The following MPDZ variants were observed in gnomAD, a reference collection of about 807,000 sequenced individuals.
MPDZ encodes multiple PDZ domain protein.
A neutral mutation model predicts 239.1 loss-of-function variants in MPDZ; 234 were observed. That is an observed-to-expected ratio of 0.98 (90% confidence interval 0.88 to 1.09). The LOEUF is 1.09. Ranked by LOEUF, MPDZ falls within the 50% of genes least tolerant of loss-of-function variation. The probability of loss-of-function intolerance (pLI) is 0.00; values close to 1 mark genes in which losing one functional copy is unlikely to be tolerated. For missense variants in MPDZ, 3,175 were observed against 2,510.0 expected (o/e 1.26, Z -5.66); for synonymous variants, 1,048 against 881.3 (o/e 1.19, Z -3.35).
chr9:13,113,678 G>T (rs994634200), intron 41 of MPDZ, among the ~76,000 whole-genome samples: 2 of 152,016 alleles, frequency 1.3e-5, no homozygotes, highest in Non-Finnish European at 2.9e-5. Flanking sequence ...ACACCAATCT[G>T]CTTAGTAAGA....
intron 1 of MPDZ, 100 bp downstream of exon 1, chr9:13,279,300 A>ACCCCCCGC (rs1564192632): frequency 2.6e-5 from 3 of 115,828 alleles, no homozygotes; most frequent in Non-Finnish European, 3.7e-5. Context: ...CCCACCCCCA[A>ACCCCCCGC]GCGCCGAGCC....
At chr9:13,124,757 C>T (rs1344849547) in intron 35 of MPDZ, among the ~76,000 whole-genome samples, 1 of 152,018 alleles carries the variant, frequency 6.6e-6, no homozygotes, top group African/African-American at 2.4e-5. Flanking sequence ...GTACTGATCC[C>T]ACCTATGAAA....
intron 1 of MPDZ, among the ~76,000 whole-genome samples, chr9:13,262,428 C>A (rs930355749): frequency 6.6e-6 from 1 of 151,814 alleles, no homozygotes; most frequent in Non-Finnish European, 1.5e-5. Context: ...TCAGTCTGGG[C>A]CGACAGAGAA....
At chr9:13,270,859 CA>C (rs534746733) in intron 1 of MPDZ, among the ~76,000 whole-genome samples, 5 of 152,032 alleles carry the variant, frequency 3.3e-5, no homozygotes, top group Admixed American at 6.6e-5. Context: ...ATTTCAGCAC[CA>C]AATTACTCCT....
chr9:13,129,715 G>GT (rs1236700927), intron 32 of MPDZ, among the ~76,000 whole-genome samples: 2 of 151,950 alleles, frequency 1.3e-5, no homozygotes, highest in Non-Finnish European at 2.9e-5. Flanking sequence ...ATTTTTGTGG[G>GT]TTTTTTTCTG....
intron 10 of MPDZ, among the ~76,000 whole-genome samples, chr9:13,215,882 C>T (rs1013019720): frequency 2.0e-5 from 3 of 149,760 alleles, no homozygotes; most frequent in Non-Finnish European, 4.4e-5. Flanking sequence ...ATCCTCCCAC[C>T]TTGGCCTCCC....
chr9:13,121,023 A>G (rs1944261739), intron 38 of MPDZ, among the ~76,000 whole-genome samples: 1 of 152,230 alleles, frequency 6.6e-6, no homozygotes, highest in African/African-American at 2.4e-5. Flanking sequence ...TTATTTGTTA[A>G]TATCACTTAT....
chr9:13,132,429 T>A (rs556392987), intron 32 of MPDZ, among the ~76,000 whole-genome samples: 3 of 152,144 alleles, frequency 2.0e-5, no homozygotes, highest in African/African-American at 7.2e-5. Context: ...TGAATGTATC[T>A]GTTTGGAAAT....
chr9:13,249,311 A>C (rs560401932), intron 2 of MPDZ, among the ~76,000 whole-genome samples: 1 of 152,290 alleles, frequency 6.6e-6, no homozygotes, highest in East Asian at 1.9e-4. Context: ...CAGAATAAAG[A>C]CTAGAAAACA....
At chr9:13,243,408 T>A (rs562625751) in intron 3 of MPDZ, among the ~76,000 whole-genome samples, 1 of 151,754 alleles carries the variant, frequency 6.6e-6, no homozygotes, top group Non-Finnish European at 1.5e-5. Flanking sequence ...TTAAATGACA[T>A]ACTCAATTTT....
Position 13,222,412 on chromosome 9 carries a change from C to A in MPDZ, c.568G>T (p.Ala190Ser). The A allele has an allele frequency of 6.2e-7, 1 of 1,612,460 alleles. No homozygotes were observed. The highest frequency in any genetic ancestry group is 8.5e-7 in the Non-Finnish European group (1 of 1,179,144). The change falls in exon 6 of 47, where the codon GCT becomes TCT. Residue 190 changes from alanine (A) to serine (S), a missense_variant. Physicochemically the swap from Ala to Ser is moderately conservative, Grantham distance 99. Transcript: ENST00000319217. ...GRLKETDQILAINGQALDQTI... is the reference protein window; with the variant it reads ...GRLKETDQILSINGQALDQTI... ...TGATCAAGAGCCTGTCCATTGATAG[C>A]AAGAATTTGATCAGTTTCTTTCAAT...
Position 13,176,230 on chromosome 9 carries a change from C to T in MPDZ, c.2837G>A (p.Cys946Tyr). Residue 946 changes from cysteine to tyrosine, a missense_variant, in exon 20 of 47, where the codon TGT becomes TAT. Cys to Tyr is a radical substitution (Grantham distance 194). Transcript: ENST00000319217. ...PANAIEQQYE[C>Y]ENTIVWTESH... The stretch of plus-strand genomic sequence containing the variant: ...TTCAGTCCACACTATTGTGTTTTCA[C>T]ATTCATATTGTTGTTCAATAGCATT... The T allele has an allele frequency of 6.2e-7, 1 of 1,604,786 alleles. No homozygotes were observed. The highest frequency in any genetic ancestry group is 8.5e-7 in the Non-Finnish European group (1 of 1,174,926).
intron 3 of MPDZ, among the ~76,000 whole-genome samples, chr9:13,230,063 G>C (rs919741371): frequency 3.9e-5 from 6 of 152,022 alleles, no homozygotes; most frequent in Non-Finnish European, 7.4e-5. Context: ...AGGATATATG[G>C]CTGGCAAATA....
intron 41 of MPDZ, 28 bp from the exon 42 acceptor site, chr9:13,113,082 G>C: frequency 6.6e-6 from 10 of 1,509,494 alleles, no homozygotes; most frequent in Non-Finnish European, 9.0e-6. Flanking sequence ...ATAAAATAGG[G>C]TTATTTTATG....
chr9:13,242,681 C>T (rs1965714981), intron 3 of MPDZ, among the ~76,000 whole-genome samples: 1 of 152,060 alleles, frequency 6.6e-6, no homozygotes, highest in Non-Finnish European at 1.5e-5. Flanking sequence ...AAAGGTTCTT[C>T]ACAGTCTGGC....
At chr9:13,277,518 A>G (rs1974505333) in intron 1 of MPDZ, among the ~76,000 whole-genome samples, 1 of 152,128 alleles carries the variant, frequency 6.6e-6, no homozygotes, top group Non-Finnish European at 1.5e-5. Flanking sequence ...TTGTATTAGA[A>G]GATCAAGTCA....
rs1956960265 is a variant in MPDZ, at chr9:13,206,113, A to AC, written c.1291-15_1291-14insG. 1 of 1,572,872 alleles carries AC rather than the reference A, an allele frequency of 6.4e-7. No homozygotes were observed. Among genetic ancestry groups the AC allele is most frequent in the Non-Finnish European group, 8.6e-7 (1 of 1,163,582 alleles). ...TGTGCCATCTACCTGTGATTAAAAA[A>AC]AAAAAAAAGCATGTTACATGTTAAA... On this transcript the variant is annotated splice_polypyrimidine_tract_variant and intron_variant, in intron 10 of 46. Coordinates refer to ENST00000319217, the MANE Select transcript of MPDZ (RefSeq NM_001378778.1).
chr9:13,137,900 C>T lies in MPDZ; in HGVS notation c.4200+57G>A. On this transcript the variant is annotated intron_variant, in intron 29 of 46. Coordinates refer to ENST00000319217, the MANE Select transcript of MPDZ (RefSeq NM_001378778.1). Reference sequence around the variant, plus strand: ...GTATGGGTGATTTTCTGGAAACTGACAGTTCCATTACCCTTATAAAACAAG... The same window carrying T: ...GTATGGGTGATTTTCTGGAAACTGATAGTTCCATTACCCTTATAAAACAAG... 5 of 1,536,334 alleles carry T rather than the reference C, an allele frequency of 3.3e-6. No individual in the cohort carries two copies. The South Asian group carries it at 4.7e-5, about 14-fold the overall frequency.
At chr9:13,257,520 T>C (rs974988929) in intron 1 of MPDZ, among the ~76,000 whole-genome samples, 1 of 152,104 alleles carries the variant, frequency 6.6e-6, no homozygotes, top group Non-Finnish European at 1.5e-5. Flanking sequence ...AAAAAGAAGA[T>C]ACAGAACAAG....
Sources: gnomAD v4.1 joint callset for allele counts (sites outside exome capture counted in the v4.1 genomes callset) on GRCh38, gnomAD v4.1.1 for gene constraint, MANE v1.5 for transcripts, NCBI Gene and HGNC (gene_info 2026-07-23, HGNC 2026-07-21) for gene names.